The following WIPF3 variants were observed in gnomAD, a reference collection of about 807,000 sequenced individuals.
The protein encoded by WIPF3 is WAS/WASL-interacting protein family member 3.
Under a neutral mutation model 38.9 loss-of-function variants are expected in WIPF3, and 33 were observed. That is an observed-to-expected ratio of 0.85 (90% CI 0.64 to 1.14). The LOEUF (loss-of-function observed/expected upper bound fraction) is 1.14, where lower values mean the gene tolerates loss of function less well. WIPF3 is among the 50% of genes most tolerant of loss of function. The pLI, the probability that WIPF3 is intolerant of heterozygous loss-of-function variation, is 0.00. For missense variants in WIPF3, 711 were observed against 652.5 expected (o/e 1.09, Z -0.98); for synonymous variants, 324 against 269.3 (o/e 1.20, Z -1.99).
intron 1 of WIPF3, among the ~76,000 whole-genome samples, chr7:29,831,012 G>C (rs1015747894): frequency 5.3e-5 from 8 of 152,216 alleles, no homozygotes; most frequent in African/African-American, 1.9e-4. Context: ...AAAAACTGTA[G>C]ACACTGACGA....
chr7:29,881,832 A>G (rs1265015737), intron 4 of WIPF3, among the ~76,000 whole-genome samples: 3 of 152,230 alleles, frequency 2.0e-5, no homozygotes, highest in South Asian at 2.1e-4. Flanking sequence ...TGGGCACAGC[A>G]TCCCTGATGC....
Position 29,884,273 on chromosome 7 carries a change from TCCC to T in WIPF3, c.780_782del (p.Ile260_Pro261delinsMet). On this transcript the variant is annotated inframe_deletion, in exon 5 of 9. Transcript: ENST00000242140. ...CTGGCTCCCTTGCACCTCCCGCCCA[TCCC>T]GCCCCCGCTCCCTCTGCTCCCACCT... is the stretch of plus-strand genomic sequence containing the variant. 9 of 309,310 alleles carry T rather than the reference TCCC, an allele frequency of 2.9e-5. No individual in the cohort carries two copies. Among genetic ancestry groups the T allele is most frequent in the Non-Finnish European group, 3.9e-5 (8 of 203,776 alleles). 19.2% of individuals were successfully genotyped at this position (309,310 alleles called of 1,614,324 possible). A position where few individuals can be genotyped will look rare whatever the true frequency, so the allele number is the denominator to read the frequency against.
intron 2 of WIPF3, among the ~76,000 whole-genome samples, chr7:29,851,774 A>G (rs376331711): frequency 1.3e-5 from 2 of 152,126 alleles, no homozygotes; most frequent in East Asian, 3.9e-4. Flanking sequence ...CTTCTTTCAC[A>G]TCTGCCTCAT....
In WIPF3 at chr7:29,848,909, A is replaced by G. The variant is rs367787867; in HGVS notation, c.90+14095A>G. ...ACGTATGCTAACAATTTTTCATAGT[A>G]AAAAAACTTTAGTGGACATCAACAA... is the stretch of plus-strand genomic sequence containing the variant. On this transcript the variant is annotated intron_variant, in intron 2 of 8. Coordinates refer to ENST00000242140, the MANE Select transcript of WIPF3 (RefSeq NM_001080529.3). Among the ~76,000 whole-genome samples the G allele has an allele frequency of 5.6e-4, 86 of 152,296 alleles. 3 individuals carry two copies. The highest frequency in any genetic ancestry group is 1.9e-3 in the African/African-American group (78 of 41,558).
chr7:29,894,099 C>T (rs1225220716), intron 7 of WIPF3, among the ~76,000 whole-genome samples: 1 of 152,182 alleles, frequency 6.6e-6, no homozygotes, highest in Admixed American at 6.5e-5. Context: ...TTTTGCTGAT[C>T]TGCCCTAAAC....
At chr7:29,851,243 C>T (rs547668240) in intron 2 of WIPF3, among the ~76,000 whole-genome samples, 4 of 152,290 alleles carry the variant, frequency 2.6e-5, no homozygotes, top group African/African-American at 9.6e-5. Flanking sequence ...AGATTGAACC[C>T]CCCTTTCCCC....
chr7:29,913,747 G>T (rs994851847), intron 8 of WIPF3, among the ~76,000 whole-genome samples: 1 of 152,196 alleles, frequency 6.6e-6, no homozygotes, highest in Non-Finnish European at 1.5e-5. Context: ...CTGACCTCTT[G>T]TTCAGTGCTT....
intron 1 of WIPF3, among the ~76,000 whole-genome samples, chr7:29,832,136 A>G (rs1303638464): frequency 6.6e-6 from 1 of 152,172 alleles, no homozygotes; most frequent in Admixed American, 6.5e-5. Flanking sequence ...TCCTTATATA[A>G]TGAGACCTCT....
chr7:29,909,169 GCT>G (rs1232947336), intron 8 of WIPF3, among the ~76,000 whole-genome samples: 1 of 152,006 alleles, frequency 6.6e-6, no homozygotes, highest in Non-Finnish European at 1.5e-5. Context: ...GAGATTTATA[GCT>G]ATAAATTGTT....
Position 29,834,659 on chromosome 7 carries a change from C to G in WIPF3, c.-57-9C>G, listed in dbSNP as rs765846863. On this transcript the variant is annotated splice_polypyrimidine_tract_variant and intron_variant, in intron 1 of 8. Transcript: ENST00000242140. The stretch of plus-strand genomic sequence containing the variant: ...CCAAGTTTAAATCCATTCTTTTTCT[C>G]TTTTTCAGAGCAGAAGCCACTCTCT... 7.2e-6 allele frequency: 10 copies of G among 1,387,328 alleles called. No homozygotes were observed. Among genetic ancestry groups the G allele is most frequent in the Non-Finnish European group, 9.4e-6 (10 of 1,067,858 alleles). The allele number at this position is 1,387,328 out of a possible 1,614,324, so 85.9% of individuals were successfully genotyped here.
Position 29,883,954 on chromosome 7 carries a change from A to G in WIPF3, c.460A>G (p.Asn154Asp). The change falls in exon 5 of 9, where the codon AAT (asparagine) becomes GAT (aspartate). Residue 154 changes from asparagine to aspartate, a missense_variant. Asn to Asp is a conservative substitution (Grantham distance 23). Coordinates refer to ENST00000242140, the MANE Select transcript of WIPF3 (RefSeq NM_001080529.3). Reference sequence around the variant, plus strand: ...CCCGCCTGCCTCTCCCAGGCTAGGCAATACCTCCGAGGCGCATGGCGCTGC... The same window carrying G: ...CCCGCCTGCCTCTCCCAGGCTAGGCGATACCTCCGAGGCGCATGGCGCTGC... Reference protein sequence around the residue: ...LIPPASPRLGNTSEAHGAART... With the variant: ...LIPPASPRLGDTSEAHGAART... 1 of 1,563,074 alleles carries G rather than the reference A, an allele frequency of 6.4e-7. No individual in the cohort carries two copies. Among genetic ancestry groups the G allele is most frequent in the Non-Finnish European group, 8.7e-7 (1 of 1,154,310 alleles).
At chr7:29,846,123 G>A (rs561328270) in intron 2 of WIPF3, among the ~76,000 whole-genome samples, 8 of 152,288 alleles carry the variant, frequency 5.3e-5, no homozygotes, top group African/African-American at 1.7e-4. Flanking sequence ...AACAAATATA[G>A]GGACAGCAAA....
At chr7:29,861,415 G>C (rs566595543) in intron 2 of WIPF3, among the ~76,000 whole-genome samples, 2 of 152,282 alleles carry the variant, frequency 1.3e-5, no homozygotes, top group Admixed American at 1.3e-4. Flanking sequence ...CTTTACAAGA[G>C]AGATTTTTCT....
At chr7:29,869,589 G>A (rs1031320286) in intron 2 of WIPF3, among the ~76,000 whole-genome samples, 10 of 152,186 alleles carry the variant, frequency 6.6e-5, no homozygotes, top group Non-Finnish European at 1.0e-4. Flanking sequence ...TTATGGGGTA[G>A]TTGAGTCTCT....
chr7:29,849,459 A>G (rs1785056770), intron 2 of WIPF3, among the ~76,000 whole-genome samples: 1 of 152,178 alleles, frequency 6.6e-6, no homozygotes, highest in Non-Finnish European at 1.5e-5. Context: ...TTCTCCCACA[A>G]AGCACAGAGG....
intron 7 of WIPF3, among the ~76,000 whole-genome samples, chr7:29,903,065 G>A (rs1416427316): frequency 6.6e-6 from 1 of 152,120 alleles, no homozygotes; most frequent in Non-Finnish European, 1.5e-5. Flanking sequence ...GGCAAAGGCG[G>A]GAGGATCACT....
rs1786597657 is a variant in WIPF3 at position 29,915,492 on chromosome 7, G to T, written c.*976G>T. 6.6e-6 allele frequency: 1 copy of T among 152,150 alleles called. No homozygotes were observed. The highest frequency in any genetic ancestry group is 2.4e-5 in the African/African-American group (1 of 41,406). 9.4% of individuals were successfully genotyped at this position (152,150 alleles called of 1,614,324 possible). On this transcript the variant is annotated 3_prime_UTR_variant, in exon 9 of 9. Coordinates refer to ENST00000242140, the MANE Select transcript of WIPF3 (RefSeq NM_001080529.3). Reference sequence around the variant, plus strand: ...GTGAAATACCTGCCACAAATACCTAGTGCCTCACTGCCCCCATCTTAGGAT... The same window carrying T: ...GTGAAATACCTGCCACAAATACCTATTGCCTCACTGCCCCCATCTTAGGAT...
intron 1 of WIPF3, among the ~76,000 whole-genome samples, chr7:29,827,009 A>G (rs572343450): frequency 5.3e-5 from 8 of 152,174 alleles, no homozygotes; most frequent in Admixed American, 1.3e-4. Context: ...TTGGGGTGTC[A>G]TGGTGCTTAA....
rs150291230 is a variant in WIPF3 at position 29,823,923 on chromosome 7, C to T, written c.-57-10745C>T. ...AGCAGATGCCGTTATGCTTCCTGTA[C>T]AGCCTGCAGAACTGTGAGCCAATTA... On this transcript the variant is annotated intron_variant, in intron 1 of 8. Coordinates refer to ENST00000242140, the MANE Select transcript of WIPF3 (RefSeq NM_001080529.3). This position sits in a 1 kb window ranked among gnomAD's most constrained non-coding sequence, Gnocchi z 4.0. Among the ~76,000 whole-genome samples the T allele has an allele frequency of 5.3e-3, 805 of 152,324 alleles. 5 individuals carry two copies. The highest frequency in any genetic ancestry group is 0.018 in the African/African-American group (740 of 41,568).
Sources: gnomAD v4.1 joint callset for allele counts (sites outside exome capture counted in the v4.1 genomes callset) on GRCh38, gnomAD v4.1.1 for gene constraint, Gnocchi (gnomAD v3.1) non-coding constraint, MANE v1.5 for transcripts, NCBI Gene and HGNC (gene_info 2026-07-23, HGNC 2026-07-21) for gene names.